IPO7: variants seen among roughly 807,000 people sequenced by gnomAD.
The protein encoded by IPO7 is importin 7, also known as importin-7.
A neutral mutation model predicts 136.4 loss-of-function variants in IPO7; 13 were observed. The observed-to-expected ratio is 0.10, with a 90% CI of 0.06 to 0.15. The LOEUF (loss-of-function observed/expected upper bound fraction) is 0.15, where lower values mean the gene tolerates loss of function less well. IPO7 is among the 10% of genes least tolerant of loss of function. The pLI, the probability that IPO7 is intolerant of heterozygous loss-of-function variation, is 1.00. For synonymous variants in IPO7, 403 were observed against 404.4 expected, an observed-to-expected ratio of 1.00 and a Z score of 0.04; for missense variants, 857 against 1,240.6, an observed-to-expected ratio of 0.69 and a Z score of 4.65.
At chr11:9,432,943 G>A (rs1049732809) in intron 16 of IPO7, among the ~76,000 whole-genome samples, 9 of 149,576 alleles carry the variant, frequency 6.0e-5, no homozygotes, top group African/African-American at 2.2e-4. Context: ...ACATTGAGCT[G>A]AATTAATCTC....
intron 1 of IPO7, among the ~76,000 whole-genome samples, chr11:9,400,653 A>G (rs943584607): frequency 8.6e-5 from 13 of 151,202 alleles, no homozygotes; most frequent in Non-Finnish European, 1.8e-4. Context: ...CGATCTCCTG[A>G]CCTCGTGGTC....
chr11:9,404,773 T>A (rs566374479), intron 2 of IPO7, among the ~76,000 whole-genome samples: 1 of 151,928 alleles, frequency 6.6e-6, no homozygotes, highest in Admixed American at 6.6e-5. Flanking sequence ...TCACCGTATT[T>A]GCCAGGATGG....
chr11:9,415,696 G>A (rs1855031905), intron 5 of IPO7, among the ~76,000 whole-genome samples: 1 of 152,006 alleles, frequency 6.6e-6, no homozygotes, highest in African/African-American at 2.4e-5. Flanking sequence ...AAATTAGCTG[G>A]GCGTGGTGGC....
At position 9,384,858 on chromosome 11, in the gene IPO7, C is replaced by T. The variant is rs775918231; in HGVS notation, c.84+11C>T. On this transcript the variant is annotated intron_variant, in intron 1 of 24. Coordinates refer to ENST00000379719, the MANE Select transcript of IPO7 (RefSeq NM_006391.3). ...CGCCAGCTCAATGAAGTAAGGACGC[C>T]CGGCTAGCGGTGGCGGCGGGCAGGC... The T allele has an allele frequency of 6.9e-6, 11 of 1,586,140 alleles. No homozygotes were observed. In the East Asian group the frequency reaches 2.6e-4, roughly 37 times the overall value.
rs143854597 is a variant in IPO7, at chr11:9,435,175, A to G, written c.2172+144A>G. The G allele has an allele frequency of 4.2e-4, 256 of 606,160 alleles. No individual in the cohort carries two copies. The East Asian group carries it at 4.7e-3, about 11-fold the overall frequency. 37.5% of individuals were successfully genotyped at this position (606,160 alleles called of 1,614,324 possible). ...TTAAGGGCTTTAAAAGTTAAAAGTC[A>G]TTGGTCCCTAGATGCCACAGTTTTG... On this transcript the variant is annotated intron_variant, in intron 19 of 24. Transcript: ENST00000379719.
intron 24 of IPO7, among the ~76,000 whole-genome samples, chr11:9,443,247 C>G (rs1340198606): frequency 6.6e-6 from 1 of 151,848 alleles, no homozygotes; most frequent in Non-Finnish European, 1.5e-5. Context: ...TTTCAGTTTG[C>G]AATAACTTTA....
chr11:9,386,771 C>A (rs928965581), intron 1 of IPO7, among the ~76,000 whole-genome samples: 3 of 152,098 alleles, frequency 2.0e-5, no homozygotes. Context: ...TATTCAATGC[C>A]TTTTTTACTT....
At chr11:9,415,108 G>A (rs1311932586) in intron 5 of IPO7, among the ~76,000 whole-genome samples, 1 of 151,566 alleles carries the variant, frequency 6.6e-6, no homozygotes, top group African/African-American at 2.4e-5. Flanking sequence ...ACCTGAGGAG[G>A]GGAGTTCGAG....
intron 9 of IPO7, 33 bp from the exon 10 acceptor site, chr11:9,423,744 A>G: frequency 7.5e-7 from 1 of 1,338,832 alleles, no homozygotes; most frequent in Non-Finnish European, 1.0e-6. Context: ...TTGAAAACTG[A>G]TGGTTATTGT....
At chr11:9,412,090 A>C (rs1043015119) in intron 4 of IPO7, among the ~76,000 whole-genome samples, 1 of 152,224 alleles carries the variant, frequency 6.6e-6, no homozygotes, top group African/African-American at 2.4e-5. Context: ...TGTCAACTCA[A>C]AGGTATAGAT....
intron 6 of IPO7, among the ~76,000 whole-genome samples, chr11:9,419,017 G>C (rs1315942916): frequency 6.6e-6 from 1 of 152,054 alleles, no homozygotes; most frequent in African/African-American, 2.4e-5. Flanking sequence ...TGGACATCTG[G>C]GTAGTTTTAC....
intron 10 of IPO7, 106 bp downstream of exon 10, chr11:9,423,982 A>C (rs1855169310): frequency 1.6e-6 from 1 of 621,410 alleles, no homozygotes; most frequent in African/African-American, 1.9e-5. Context: ...TTGTTGTTTT[A>C]ATGTAATTGA....
intron 1 of IPO7, among the ~76,000 whole-genome samples, chr11:9,397,341 A>AAAAAAAAAAAAAAAAAAATATAT: frequency 5.6e-4 from 6 of 10,758 alleles, no homozygotes; most frequent in Admixed American, 2.1e-3. Context: ...TTTAAAAAAA[A>AAAAAAAAAAAAAAAAAAATATAT]ATATATATAT....
chr11:9,438,403 G>T (rs1855413747), intron 22 of IPO7, 118 bp downstream of exon 22: 1 of 665,966 alleles, frequency 1.5e-6, no homozygotes, highest in Admixed American at 2.5e-5. Flanking sequence ...GAGGCAGGTG[G>T]ATCACACGGT....
intron 6 of IPO7, among the ~76,000 whole-genome samples, chr11:9,418,796 TC>T (rs1455022288): frequency 2.0e-5 from 3 of 152,226 alleles, no homozygotes; most frequent in African/African-American, 7.2e-5. Context: ...GAATGTTTGC[TC>T]ATGGCTGGTT....
chr11:9,414,200 A>G (rs1855007273), intron 4 of IPO7, 55 bp from the exon 5 acceptor site: 1 of 1,298,176 alleles, frequency 7.7e-7, no homozygotes, highest in Non-Finnish European at 1.1e-6. Context: ...GTTTAAATAT[A>G]TATACAATTG....
chr11:9,429,581 A>T (rs1395717990), intron 14 of IPO7, 93 bp from the exon 15 acceptor site: 1 of 920,924 alleles, frequency 1.1e-6, no homozygotes, highest in Non-Finnish European at 1.6e-6. Context: ...TTTATGTGAA[A>T]GTACTTTTTT....
At chr11:9,419,096 C>T (rs1450758953) in intron 6 of IPO7, among the ~76,000 whole-genome samples, 1 of 152,126 alleles carries the variant, frequency 6.6e-6, no homozygotes, top group Non-Finnish European at 1.5e-5. Flanking sequence ...GTTTTTCACA[C>T]TCTTGCATAA....
At chr11:9,430,784 A>C in intron 15 of IPO7, 91 bp from the exon 16 acceptor site, 1 of 996,658 alleles carries the variant, frequency 1.0e-6, no homozygotes. Context: ...GTGGTATCCC[A>C]ATGAGAACGT....
Sources: gnomAD v4.1 joint callset for allele counts (sites outside exome capture counted in the v4.1 genomes callset) on GRCh38, gnomAD v4.1.1 for gene constraint, MANE v1.5 for transcripts, NCBI Gene and HGNC (gene_info 2026-07-23, HGNC 2026-07-21) for gene names.